IGFN1: variants seen among roughly 807,000 people sequenced by gnomAD.
IGFN1 encodes the protein immunoglobulin-like and fibronectin type III domain-containing protein 1.
In IGFN1, 253 loss-of-function variants were observed where a neutral mutation model predicts 289.5. The observed-to-expected ratio is 0.87, with a 90% CI of 0.79 to 0.97. The LOEUF (loss-of-function observed/expected upper bound fraction) is 0.97, where lower values mean the gene tolerates loss of function less well. Ranked by LOEUF, IGFN1 falls within the 50% of genes least tolerant of loss-of-function variation. The pLI, the probability that IGFN1 is intolerant of heterozygous loss-of-function variation, is 0.00. For missense variants in IGFN1, 4,470 were observed against 4,686.1 expected, an observed-to-expected ratio of 0.95 and a Z score of 1.35; for synonymous variants, 1,706 against 1,788.5, an observed-to-expected ratio of 0.95 and a Z score of 1.16.
rs1268294932 is a variant in IGFN1, at chr1:201,208,591, G to T, written c.3698G>T (p.Gly1233Val). Residue 1233 changes from glycine (G) to valine (V), a missense_variant, in exon 12 of 24, where the codon GGA becomes GTA. Gly to Val is a moderately radical substitution (Grantham distance 109). This residue lies in a region of IGFN1 where 2,011 missense variants were observed against 1,953.4 expected (regional missense o/e 1.03). Transcript: ENST00000335211. ...GGAACTGGGGTCAGAACAGCCTATG[G>T]AGAAAGGTCAAGGGGCCTTGGGCCT... Reference protein sequence around the residue: ...PQGTGVRTAYGERSRGLGPRS... With the variant: ...PQGTGVRTAYVERSRGLGPRS... 5.4e-6 allele frequency: 8 copies of T among 1,493,000 alleles called. No homozygotes were observed. Among genetic ancestry groups the T allele is most frequent in the African/African-American group, 2.8e-5 (2 of 71,060 alleles). 92.5% of individuals were successfully genotyped at this position (1,493,000 alleles called of 1,614,324 possible).
At chr1:201,227,329 T>A in intron 23 of IGFN1, 121 bp downstream of exon 23, 1 of 691,268 alleles carries the variant, frequency 1.4e-6, no homozygotes, top group Non-Finnish European at 2.4e-6. Flanking sequence ...AGACCAGGAC[T>A]CTCTGCCTGA....
chr1:201,224,467 G>GC (rs972635005), intron 20 of IGFN1, among the ~76,000 whole-genome samples: 1 of 151,856 alleles, frequency 6.6e-6, no homozygotes, highest in Non-Finnish European at 1.5e-5. Flanking sequence ...TTGTTCTACC[G>GC]CCCCCCTACC....
intron 9 of IGFN1, among the ~76,000 whole-genome samples, chr1:201,202,650 A>G (rs1044113365): frequency 6.6e-6 from 1 of 151,674 alleles, no homozygotes; most frequent in Non-Finnish European, 1.5e-5. Flanking sequence ...CCCTGGACCC[A>G]TATCTACCTT....
At chr1:201,214,791 C>A (rs1425829807) in intron 13 of IGFN1, among the ~76,000 whole-genome samples, 1 of 152,238 alleles carries the variant, frequency 6.6e-6, no homozygotes, top group Non-Finnish European at 1.5e-5. Context: ...AACAGTCTGG[C>A]TTCCTCATCT....
At position 201,216,637 on chromosome 1, in the gene IGFN1, C is replaced by T. The variant is rs547137206; in HGVS notation, c.9479C>T (p.Thr3160Ile). Residue 3160 changes from threonine (T) to isoleucine (I), a missense_variant, in exon 16 of 24, where the codon ACC becomes ATC. By Grantham distance (89) the Thr-to-Ile change is moderately conservative (BLOSUM62 -1). Coordinates refer to ENST00000335211, the MANE Select transcript of IGFN1 (RefSeq NM_001164586.2). ...GGCGAGGCCCCCGCTGACAGCACCA[C>T]CTTCACGGATGCCCATGTGGAGCCA... ...KVGEAPADST[T>I]FTDAHVEPGR... 1.5e-5 allele frequency: 25 copies of T among 1,613,992 alleles called. No homozygotes were observed. The African/African-American group carries it at 3.1e-4, about 20-fold the overall frequency.
chr1:201,194,037 G>A, intron 2 of IGFN1, 117 bp from the exon 3 acceptor site: 4 of 1,190,938 alleles, frequency 3.4e-6, no homozygotes, highest in South Asian at 1.6e-5. Flanking sequence ...CCCAAAAGTA[G>A]GAGCGAGAAG....
At chr1:201,215,508 G>A (rs1653171961) in intron 14 of IGFN1, 31 bp from the exon 15 acceptor site, 1 of 1,521,694 alleles carries the variant, frequency 6.6e-7, no homozygotes, top group Non-Finnish European at 8.8e-7. Flanking sequence ...CAGTGCCCTG[G>A]TCTTCCTTGA....
Position 201,216,574 on chromosome 1 carries a change from A to G in IGFN1, c.9416A>G (p.Glu3139Gly), listed in dbSNP as rs1403534148. The G allele has an allele frequency of 1.2e-6, 2 of 1,613,670 alleles. No individual in the cohort carries two copies. Among genetic ancestry groups the G allele is most frequent in the East Asian group, 2.2e-5 (1 of 44,864 alleles). ...CGGACTGTAGAGTGCTACGTGGTGG[A>G]GAGACGGCAGGCTGGCAGGAGCACT... is the stretch of plus-strand genomic sequence containing the variant. ...GGRTVECYVVERRQAGRSTWL... is the reference protein window; with the variant it reads ...GGRTVECYVVGRRQAGRSTWL... Residue 3139 changes from glutamate (E) to glycine (G), a missense_variant, in exon 16 of 24, where the codon GAG (glutamate) becomes GGG (glycine). This residue lies in a region of IGFN1 where 2,218 missense variants were observed against 2,114.1 expected (regional missense o/e 1.05). Coordinates refer to ENST00000335211, the MANE Select transcript of IGFN1 (RefSeq NM_001164586.2).
rs1471052521 is a variant in IGFN1 at position 201,213,005 on chromosome 1, T to C, written c.8112T>C (p.Ser2704=). 6 of 1,551,450 alleles carry C rather than the reference T, an allele frequency of 3.9e-6. No individual in the cohort carries two copies. The African/African-American group carries it at 5.5e-5, about 14-fold the overall frequency. Residue 2704 remains serine, a synonymous_variant, in exon 12 of 24, where the codon TCT becomes TCC. Coordinates refer to ENST00000335211, the MANE Select transcript of IGFN1 (RefSeq NM_001164586.2). ...GTTCAAGTCCTGGAAGGGGCAGTTC[T>C]GTTGATGCAGAGGACTCAGGTATCC... ...SKGSSPGRGS[S]VDAEDSGILG...
At chr1:201,227,868 CTG>C (rs1654215615) in intron 23 of IGFN1, among the ~76,000 whole-genome samples, 1 of 152,186 alleles carries the variant, frequency 6.6e-6, no homozygotes. Context: ...ATCCGTATTG[CTG>C]TTTCTTAAGT....
chr1:201,213,446 G>C lies in IGFN1; in HGVS notation c.8553G>C (p.Gly2851=), dbSNP rs542023059. ...GGCAGCCTATGGGAGAGAACTGGGG[G>C]TGCCTGGAGGAGATGCTGAATGAAG... The part of the protein sequence containing the change: ...MGWQPMGENW[G]CLEEMLNEDQ... Residue 2851 remains glycine (G), a synonymous_variant, in exon 12 of 24, where the codon GGG becomes GGC. Coordinates refer to ENST00000335211, the MANE Select transcript of IGFN1 (RefSeq NM_001164586.2). 1.5e-4 allele frequency: 249 copies of C among 1,614,068 alleles called. 2 individuals are homozygous for C. In the East Asian group the frequency reaches 4.7e-3, roughly 31 times the overall value.
At chr1:201,200,831 TC>T (rs67535610) in intron 8 of IGFN1, among the ~76,000 whole-genome samples, 40,408 of 124,524 alleles carry the variant, frequency 0.32, 6,350 homozygotes, top group East Asian at 0.39. Context: ...TTTATTTCTT[TC>T]TTTTTTTTTT....
chr1:201,192,690 G>A (rs1020781874), intron 1 of IGFN1, among the ~76,000 whole-genome samples: 4 of 152,186 alleles, frequency 2.6e-5, no homozygotes, highest in South Asian at 4.1e-4. Flanking sequence ...TTGGTGGAGC[G>A]TGGGAAGTAG....
In IGFN1 at chr1:201,209,830, A is replaced by G. The variant is rs555137786; in HGVS notation, c.4937A>G (p.Lys1646Arg). 6.8e-7 allele frequency: 1 copy of G among 1,477,542 alleles called. No homozygotes were observed. Among genetic ancestry groups the G allele is most frequent in the Non-Finnish European group, 9.1e-7 (1 of 1,103,256 alleles). The allele number at this position is 1,477,542 out of a possible 1,614,324, so 91.5% of individuals were successfully genotyped here. The change falls in exon 12 of 24, where the codon AAG (lysine) becomes AGG (arginine). Residue 1646 changes from lysine to arginine, a missense_variant. Transcript: ENST00000335211. The part of the protein sequence containing the change: ...AGYRKDLGAP[K>R]GIGSGSKAGF... ...TATAGGAAGGATTTGGGGGCTCCTA[A>G]GGGAATAGGTTCAGGGAGCAAGGCA...
At chr1:201,215,467 T>TG (rs1251638013) in intron 14 of IGFN1, 72 bp from the exon 15 acceptor site, 1 of 1,377,908 alleles carries the variant, frequency 7.3e-7, no homozygotes, top group African/African-American at 1.5e-5. Flanking sequence ...CTTCCTTCTC[T>TG]GGGTCCTCCT....
In IGFN1 at chr1:201,228,756, G is replaced by A. The variant is rs537315854; in HGVS notation, c.*357G>A. ...TCCTGGGCTGAGCCGTTTGGAGGGA[G>A]GGTGGGCACAGCTGGGCCTGCTGTG... is the stretch of plus-strand genomic sequence containing the variant. On this transcript the variant is annotated 3_prime_UTR_variant, in exon 24 of 24. Coordinates refer to ENST00000335211, the MANE Select transcript of IGFN1 (RefSeq NM_001164586.2). 1 of 305,644 alleles carries A rather than the reference G, an allele frequency of 3.3e-6. No homozygotes were observed. The highest frequency in any genetic ancestry group is 6.2e-6 in the Non-Finnish European group (1 of 160,690). 18.9% of individuals were successfully genotyped at this position (305,644 alleles called of 1,614,324 possible).
At chr1:201,227,480 T>C (rs1465009324) in intron 23 of IGFN1, among the ~76,000 whole-genome samples, 2 of 151,280 alleles carry the variant, frequency 1.3e-5, no homozygotes, top group East Asian at 3.9e-4. Context: ...CAGGTTGGAG[T>C]GCAATGGCAT....
At position 201,209,498 on chromosome 1, in the gene IGFN1, G is replaced by A. The variant is rs1571459024; in HGVS notation, c.4605G>A (p.Gly1535=). 6.5e-7 allele frequency: 1 copy of A among 1,536,962 alleles called. No individual in the cohort carries two copies. Among genetic ancestry groups the A allele is most frequent in the Non-Finnish European group, 8.7e-7 (1 of 1,146,754 alleles). The change falls in exon 12 of 24, where the codon GGG becomes GGA. Residue 1535 remains glycine (G), a synonymous_variant. Transcript: ENST00000335211. ...VDKAGYRKDL[G]ASEAIGSGSK... ...AGGCAGGCTATAGGAAGGATTTGGG[G>A]GCTTCTGAGGCAATAGGTTCAGGGA...
At position 201,207,020 on chromosome 1, in the gene IGFN1, G is replaced by A; in HGVS notation, c.2127G>A (p.Arg709=). The change falls in exon 12 of 24, where the codon AGG becomes AGA. Residue 709 remains arginine (R), a synonymous_variant. Coordinates refer to ENST00000335211, the MANE Select transcript of IGFN1 (RefSeq NM_001164586.2). The part of the protein sequence containing the change: ...GGRDADYGEA[R]GYWGSGELLE... ...GAGATGCTGACTATGGGGAAGCCAG[G>A]GGCTACTGGGGGTCAGGAGAGTTGC... is the stretch of plus-strand genomic sequence containing the variant. 1.3e-6 allele frequency: 2 copies of A among 1,536,722 alleles called. No individual in the cohort carries two copies. Among genetic ancestry groups the A allele is most frequent in the Non-Finnish European group, 1.7e-6 (2 of 1,146,734 alleles).
Sources: allele counts gnomAD v4.1 joint callset (sites outside exome capture counted in the v4.1 genomes callset), GRCh38; gene constraint gnomAD v4.1.1; regional missense constraint gnomAD v4.1.1; transcripts MANE v1.5; gene names NCBI Gene and HGNC (gene_info 2026-07-23, HGNC 2026-07-21).